ATPAF1: variants seen among roughly 807,000 people sequenced by gnomAD.
ATPAF1 encodes the protein ATP synthase mitochondrial F1 complex assembly factor 1, also known as homolog of yeast ATP11.
Under a neutral mutation model 43.9 loss-of-function variants are expected in ATPAF1, and 26 were observed. The ratio of observed to expected loss-of-function variants is 0.59; its 90% CI spans 0.43 to 0.82. The LOEUF (loss-of-function observed/expected upper bound fraction) is 0.82. Ranked by LOEUF, ATPAF1 falls within the 40% of genes least tolerant of loss-of-function variation. ATPAF1 has a pLI of 0.00. For missense variants in ATPAF1, 366 were observed against 435.0 expected, an observed-to-expected ratio of 0.84 and a Z score of 1.41; for synonymous variants, 157 against 168.0, an observed-to-expected ratio of 0.93 and a Z score of 0.50.
chr1:46,665,770 C>A, intron 1 of ATPAF1: 1 of 1,505,322 alleles, frequency 6.6e-7, no homozygotes, highest in Non-Finnish European at 8.8e-7. Context: ...AAATATGTCC[C>A]CCCAACCAGG....
In ATPAF1 at chr1:46,642,228, G is replaced by T. The variant is rs1285733714; in HGVS notation, c.792+966C>A. 2.0e-5 allele frequency among the ~76,000 whole-genome samples: 3 copies of T among 152,196 alleles called. No individual in the cohort carries two copies. The East Asian group carries it at 5.8e-4, about 29-fold the overall frequency. On this transcript the variant is annotated intron_variant, in intron 8 of 8. Coordinates refer to ENST00000574428, the Ensembl canonical transcript of ATPAF1. The stretch of plus-strand genomic sequence containing the variant: ...AGAATAGGGAAGTAGAATCCTCACT[G>T]TGTCCTAGGTTTGTGGGTTACTGCT...
chr1:46,665,758 G>C, intron 1 of ATPAF1: 1 of 1,514,238 alleles, frequency 6.6e-7, no homozygotes, highest in South Asian at 1.3e-5. Flanking sequence ...TCCAGTTCTT[G>C]AAAATATGTC....
chr1:46,663,928 G>A, intron 2 of ATPAF1: 1 of 1,277,238 alleles, frequency 7.8e-7, no homozygotes, highest in East Asian at 5.6e-5. Flanking sequence ...ACCATCCTAG[G>A]TTAGAATTTT....
Position 46,668,330 on chromosome 1 carries a change from C to CCCGCCTCCT in ATPAF1, c.-17_-9dup. On this transcript the variant is annotated 5_prime_UTR_variant, in exon 1 of 9. Transcript: ENST00000574428. The surrounding 1 kb of genome is among the most constrained non-coding windows in gnomAD (Gnocchi z 4.4). ...CACCACCACAGCAGCCATGGCCGCC[C>CCCGCCTCCT]CCGCCTCCTCCTCCTCCTCAGGCGC... 7.4e-7 allele frequency: 1 copy of CCCGCCTCCT among 1,357,998 alleles called. No homozygotes were observed. Among genetic ancestry groups the CCCGCCTCCT allele is most frequent in the South Asian group, 1.7e-5 (1 of 59,652 alleles). 84.1% of individuals were successfully genotyped at this position (1,357,998 alleles called of 1,614,324 possible). A position where few individuals can be genotyped will look rare whatever the true frequency, so the allele number is the denominator to read the frequency against.
At chr1:46,658,607 A>C (rs988618184) in intron 3 of ATPAF1, 80 bp downstream of exon 3, 23 of 1,069,656 alleles carry the variant, frequency 2.2e-5, no homozygotes, top group Non-Finnish European at 3.2e-5. Flanking sequence ...CACAGTACTT[A>C]TGTTCAAATT....
intron 4 of ATPAF1, among the ~76,000 whole-genome samples, chr1:46,656,405 C>T (rs1326556499): frequency 6.6e-6 from 1 of 152,070 alleles, no homozygotes; most frequent in Non-Finnish European, 1.5e-5. Context: ...AAGTGTGATC[C>T]ATCTAATCAA....
chr1:46,654,203 G>A (rs1366536516), intron 4 of ATPAF1, among the ~76,000 whole-genome samples: 2 of 151,822 alleles, frequency 1.3e-5, no homozygotes, highest in African/African-American at 4.8e-5. Context: ...CACCTCCCCA[G>A]CCAACTGAGC....
At position 46,658,876 on chromosome 1, in the gene ATPAF1, C is replaced by T. The variant is rs551029240; in HGVS notation, c.376-139G>A. The T allele has an allele frequency of 4.5e-5, 24 of 529,318 alleles. No homozygotes were observed. In the African/African-American group the frequency reaches 4.8e-4, roughly 11 times the overall value. 32.8% of individuals were successfully genotyped at this position (529,318 alleles called of 1,614,324 possible). A position where few individuals can be genotyped will look rare whatever the true frequency, so the allele number is the denominator to read the frequency against. On this transcript the variant is annotated intron_variant, in intron 2 of 8. Transcript: ENST00000574428. Reference sequence around the variant, plus strand: ...CTCTCCACTTTTTATAATAATTGTTCTAAAATTTTAACACTATTTTAAAAA... The same window carrying T: ...CTCTCCACTTTTTATAATAATTGTTTTAAAATTTTAACACTATTTTAAAAA...
intron 3 of ATPAF1, 69 bp from the exon 4 acceptor site, chr1:46,658,258 C>G: frequency 8.2e-7 from 1 of 1,218,826 alleles, no homozygotes; most frequent in Non-Finnish European, 1.2e-6. Context: ...AACTCTATCT[C>G]TAAGCCTGTG....
At chr1:46,658,226 TA>T (rs3214697) in intron 3 of ATPAF1, 37 bp from the exon 4 acceptor site, 100,130 of 1,096,298 alleles carry the variant, frequency 0.091, 106 homozygotes, top group Admixed American at 0.099. Context: ...AACACATAAT[TA>T]AAAAAAAAAA....
intron 7 of ATPAF1, among the ~76,000 whole-genome samples, chr1:46,644,703 T>C (rs2148817121): frequency 6.9e-6 from 1 of 145,838 alleles, no homozygotes; most frequent in Non-Finnish European, 1.5e-5. Flanking sequence ...ATTGTTTTAT[T>C]GGAAATAAAG....
chr1:46,642,874 T>C lies in ATPAF1; in HGVS notation c.792+320A>G, dbSNP rs144220528. 5.3e-4 allele frequency among the ~76,000 whole-genome samples: 80 copies of C among 152,366 alleles called. 1 individual carries two copies. Among genetic ancestry groups the C allele is most frequent in the African/African-American group, 1.9e-3 (79 of 41,592 alleles). On this transcript the variant is annotated intron_variant, in intron 8 of 8. Transcript: ENST00000574428. ...ACTCCACACCAAGTGGGATTAGTTATATAAATAGTTTCACATCAGTTTAAA... is the reference window on the plus strand; with the variant it reads ...ACTCCACACCAAGTGGGATTAGTTACATAAATAGTTTCACATCAGTTTAAA...
intron 2 of ATPAF1, among the ~76,000 whole-genome samples, chr1:46,659,308 A>G (rs1429017077): frequency 6.6e-6 from 1 of 152,230 alleles, no homozygotes; most frequent in Admixed American, 6.5e-5. Context: ...GTAAACTATC[A>G]TCTACTAGTA....
chr1:46,660,953 CTT>C (rs34678504), intron 2 of ATPAF1, among the ~76,000 whole-genome samples: 3 of 150,408 alleles, frequency 2.0e-5, no homozygotes, highest in East Asian at 2.0e-4. Flanking sequence ...GGCCTAGAAC[CTT>C]TTTTTTTTAA....
downstream of ATPAF1, chr1:46,633,944 G>A (rs1047892666): frequency 7.2e-6 from 3 of 418,314 alleles, no homozygotes; most frequent in Non-Finnish European, 1.4e-5. Context: ...AAAATGGCAG[G>A]GCAGATAAGA....
In ATPAF1 at chr1:46,668,182, G is replaced by A; in HGVS notation, c.141C>T (p.Phe47=). The change falls in exon 1 of 9, where the codon TTC becomes TTT. Residue 47 remains phenylalanine, a synonymous_variant. Transcript: ENST00000574428. The surrounding 1 kb of genome is among the most constrained non-coding windows in gnomAD (Gnocchi z 4.4). The stretch of plus-strand genomic sequence containing the variant: ...GCCGGCCCGAGCCGGGGCGCACTGG[G>A]AAGACGCGCAGCTGCGCGGGTGACA... 2.9e-6 allele frequency: 4 copies of A among 1,402,916 alleles called. No homozygotes were observed. Among genetic ancestry groups the A allele is most frequent in the Non-Finnish European group, 3.7e-6 (4 of 1,078,890 alleles). 86.9% of individuals were successfully genotyped at this position (1,402,916 alleles called of 1,614,324 possible).
intron 6 of ATPAF1, among the ~76,000 whole-genome samples, chr1:46,650,112 CCTT>C (rs1361660786): frequency 6.6e-6 from 1 of 152,136 alleles, no homozygotes; most frequent in African/African-American, 2.4e-5. Context: ...TTCCCTTAGG[CCTT>C]CTGGCAGCTC....
chr1:46,639,984 C>T (rs1258029266), intron 8 of ATPAF1, among the ~76,000 whole-genome samples: 1 of 152,146 alleles, frequency 6.6e-6, no homozygotes, highest in Non-Finnish European at 1.5e-5. Context: ...CTGTGCTTTG[C>T]CGAAGACCAG....
At chr1:46,667,408 T>C (rs887825987) in intron 1 of ATPAF1, among the ~76,000 whole-genome samples, 1 of 152,198 alleles carries the variant, frequency 6.6e-6, no homozygotes, top group African/African-American at 2.4e-5. Flanking sequence ...GCCCCTCATA[T>C]GCACCTTAAG....
Sources: gnomAD v4.1 joint callset for allele counts (sites outside exome capture counted in the v4.1 genomes callset) on GRCh38, gnomAD v4.1.1 for gene constraint, Gnocchi (gnomAD v3.1) non-coding constraint, MANE v1.5 for transcripts, NCBI Gene and HGNC (gene_info 2026-07-23, HGNC 2026-07-21) for gene names.